Variants in C5orf52 observed in about 807,000 individuals in gnomAD.
C5orf52 encodes uncharacterized protein C5orf52.
A neutral mutation model predicts 16.8 loss-of-function variants in C5orf52; 15 were observed. That is an observed-to-expected ratio of 0.89 (90% CI 0.60 to 1.38). The LOEUF is 1.38. Ranked by LOEUF, C5orf52 falls within the 40% of genes most tolerant of loss-of-function variation. The pLI is 0.00. For synonymous variants in C5orf52, 83 were observed against 87.2 expected, an observed-to-expected ratio of 0.95 and a Z score of 0.27; for missense variants, 206 against 213.1, an observed-to-expected ratio of 0.97 and a Z score of 0.21.
At chr5:157,678,170 A>G (rs1759941865) in intron 2 of C5orf52, among the ~76,000 whole-genome samples, 1 of 152,198 alleles carries the variant, frequency 6.6e-6, no homozygotes, top group Non-Finnish European at 1.5e-5. Context: ...ATGCTCAGCC[A>G]GGTTTGGAGA....
intron 1 of C5orf52, among the ~76,000 whole-genome samples, chr5:157,673,498 G>T (rs892461525): frequency 6.6e-6 from 1 of 151,872 alleles, no homozygotes. Context: ...ATCACAAAAA[G>T]TTCAGTTTCT....
chr5:157,672,697 A>T lies in C5orf52; in HGVS notation c.212+871A>T, dbSNP rs200387591. Among the ~76,000 whole-genome samples, 16 of 152,200 alleles carry T rather than the reference A, an allele frequency of 1.1e-4. No individual in the cohort carries two copies. In the East Asian group the frequency reaches 3.1e-3, roughly 29 times the overall value. ...ACTGGGAAATTGGATTGTTCATATTAGTTTGTAAATCTAAAAACATACACG... is the reference window on the plus strand; with the variant it reads ...ACTGGGAAATTGGATTGTTCATATTTGTTTGTAAATCTAAAAACATACACG... On this transcript the variant is annotated intron_variant, in intron 1 of 2. Transcript: ENST00000409999.
At chr5:157,671,017 C>CGCCT (rs1488925899), upstream of C5orf52, among the ~76,000 whole-genome samples, 1 of 152,126 alleles carries the variant, frequency 6.6e-6, no homozygotes, top group Non-Finnish European at 1.5e-5. Flanking sequence ...TAGGCTTCTT[C>CGCCT]GCCTGCTCGG....
At chr5:157,671,437 C>T, upstream of C5orf52, 1 of 605,162 alleles carries the variant, frequency 1.7e-6, no homozygotes. Context: ...CCGGACTCTG[C>T]ACGCATGTCC....
At chr5:157,672,556 C>CA (rs999068367) in intron 1 of C5orf52, among the ~76,000 whole-genome samples, 24 of 151,178 alleles carry the variant, frequency 1.6e-4, no homozygotes, top group South Asian at 1.5e-3. Context: ...ACAACAACAA[C>CA]AAAAAAAAAC....
chr5:157,671,508 G>C, upstream of C5orf52: 1 of 910,088 alleles, frequency 1.1e-6, no homozygotes, highest in Non-Finnish European at 1.6e-6. Context: ...CGCCGCGCTC[G>C]GTTCAGGGCT....
chr5:157,673,474 T>C (rs1032790324), intron 1 of C5orf52, among the ~76,000 whole-genome samples: 38 of 152,280 alleles, frequency 2.5e-4, no homozygotes, highest in African/African-American at 6.7e-4. Flanking sequence ...ATACTTATAC[T>C]TAAAAAACAA....
chr5:157,675,279 G>T (rs1194332151), intron 2 of C5orf52, 79 bp downstream of exon 2: 5 of 874,830 alleles, frequency 5.7e-6, no homozygotes, highest in Non-Finnish European at 5.5e-6. Context: ...TATATGCTGG[G>T]ATATCATAGA....
intron 1 of C5orf52, 139 bp downstream of exon 1, chr5:157,671,965 G>T: frequency 1.8e-6 from 1 of 566,494 alleles, no homozygotes; most frequent in Non-Finnish European, 3.0e-6. Context: ...GTAGCCCCGG[G>T]CACCAGCACC....
chr5:157,677,512 G>GGT (rs1759918599), intron 2 of C5orf52, among the ~76,000 whole-genome samples: 1 of 152,052 alleles, frequency 6.6e-6, no homozygotes, highest in South Asian at 2.1e-4. Context: ...AAACTAGCCA[G>GGT]GTGTGGTGGC....
At chr5:157,671,509 G>C (rs1759788935), upstream of C5orf52, 1 of 968,068 alleles carries the variant, frequency 1.0e-6, no homozygotes, top group South Asian at 1.7e-5. Context: ...GCCGCGCTCG[G>C]TTCAGGGCTC....
At chr5:157,673,143 G>A (rs1362380289) in intron 1 of C5orf52, among the ~76,000 whole-genome samples, 1 of 151,908 alleles carries the variant, frequency 6.6e-6, no homozygotes, top group Non-Finnish European at 1.5e-5. Flanking sequence ...TTCGAGACCA[G>A]TCAGGTCAAC....
Position 157,680,108 on chromosome 5 carries a change from C to T in C5orf52, c.*109C>T. 1 of 970,334 alleles carries T rather than the reference C, an allele frequency of 1.0e-6. No homozygotes were observed. The highest frequency in any genetic ancestry group is 1.7e-5 in the South Asian group (1 of 57,402). The allele number at this position is 970,334 out of a possible 1,614,324, so 60.1% of individuals were successfully genotyped here. On this transcript the variant is annotated 3_prime_UTR_variant, in exon 3 of 3. Transcript: ENST00000409999. ...GAGGAGAACTAGTAACTACAACCTACACAACTGTAGAACAATAAACAGAAA... is the reference window on the plus strand; with the variant it reads ...GAGGAGAACTAGTAACTACAACCTATACAACTGTAGAACAATAAACAGAAA...
chr5:157,676,203 G>A (rs1759891578), intron 2 of C5orf52, among the ~76,000 whole-genome samples: 1 of 152,108 alleles, frequency 6.6e-6, no homozygotes. Flanking sequence ...CTCCCAAGTA[G>A]CTGGAATTAC....
chr5:157,679,830 T>C lies in C5orf52; in HGVS notation c.322-11T>C, dbSNP rs1759972437. ...GATCTTGATCCTAACCTCACCTCTG[T>C]TTTTTGTAAGGTGAGCGCTTTAGAG... On this transcript the variant is annotated splice_polypyrimidine_tract_variant and intron_variant, in intron 2 of 2. Transcript: ENST00000409999. 1.3e-6 allele frequency: 2 copies of C among 1,544,984 alleles called. No homozygotes were observed. The highest frequency in any genetic ancestry group is 1.7e-6 in the Non-Finnish European group (2 of 1,145,116).
In C5orf52 at chr5:157,676,433, G is replaced by A. The variant is rs185202538; in HGVS notation, c.321+1233G>A. On this transcript the variant is annotated intron_variant, in intron 2 of 2. Transcript: ENST00000409999. ...ATGTTCCAGGGTCAAGTCTGGATGG[G>A]CCCACAAAATTCTAACATTAAAAAC... Among the ~76,000 whole-genome samples, 584 of 152,180 alleles carry A rather than the reference G, an allele frequency of 3.8e-3. 3 individuals are homozygous for A. The highest frequency in any genetic ancestry group is 0.013 in the African/African-American group (543 of 41,526).
chr5:157,671,641 C>T lies in C5orf52; in HGVS notation c.27C>T (p.Val9=), dbSNP rs763903065. The change falls in exon 1 of 3, where the codon GTC becomes GTT. Residue 9 remains valine (V), a synonymous_variant. Coordinates refer to ENST00000409999, the MANE Select transcript of C5orf52 (RefSeq NM_001145132.2). MTQPTRPS[V]TCDQGSSTIG... ...TGACACAGCCGACTAGGCCCTCGGT[C>T]ACCTGTGACCAGGGATCCTCCACGA... is the stretch of plus-strand genomic sequence containing the variant. The T allele has an allele frequency of 6.4e-7, 1 of 1,550,942 alleles. No homozygotes were observed. Among genetic ancestry groups the T allele is most frequent in the South Asian group, 1.2e-5 (1 of 84,006 alleles).
intron 2 of C5orf52, among the ~76,000 whole-genome samples, chr5:157,677,058 C>G (rs947533882): frequency 6.6e-6 from 1 of 151,948 alleles, no homozygotes; most frequent in African/African-American, 2.4e-5. Flanking sequence ...TTAATAGAAA[C>G]GGGGTTTCAC....
At chr5:157,673,250 T>C (rs561802790) in intron 1 of C5orf52, among the ~76,000 whole-genome samples, 2 of 151,968 alleles carry the variant, frequency 1.3e-5, no homozygotes, top group South Asian at 2.1e-4. Context: ...GGTGGGAGGA[T>C]TGCTTGAGCC....
Sources: gnomAD v4.1 joint callset for allele counts (sites outside exome capture counted in the v4.1 genomes callset) on GRCh38, gnomAD v4.1.1 for gene constraint, MANE v1.5 for transcripts, NCBI Gene and HGNC (gene_info 2026-07-23, HGNC 2026-07-21) for gene names.